IL1RAPL2: variants seen among roughly 807,000 people sequenced by gnomAD.
The protein encoded by IL1RAPL2 is X-linked interleukin-1 receptor accessory protein-like 2.
In IL1RAPL2, 3 loss-of-function variants were observed where a neutral mutation model predicts 44.1. That is an observed-to-expected ratio of 0.07 (90% CI 0.03 to 0.18). The LOEUF (loss-of-function observed/expected upper bound fraction) is 0.18, where lower values mean the gene tolerates loss of function less well. Ranked by LOEUF, IL1RAPL2 falls within the 10% of genes least tolerant of loss-of-function variation. IL1RAPL2 has a pLI of 1.00. For synonymous variants in IL1RAPL2, 181 were observed against 178.8 expected (o/e 1.01, Z -0.10); for missense variants, 391 against 496.4 (o/e 0.79, Z 2.02).
intron 4 of IL1RAPL2, among the ~76,000 whole-genome samples, chrX:105,247,239 G>T (rs890563317): frequency 1.8e-5 from 2 of 109,965 alleles, no homozygotes; most frequent in Non-Finnish European, 3.8e-5. Context: ...ACTCACAGAG[G>T]GTCACTTATC....
At chrX:104,989,717 C>A (rs755788692) in intron 2 of IL1RAPL2, among the ~76,000 whole-genome samples, 2 of 110,731 alleles carry the variant, frequency 1.8e-5, no homozygotes, top group South Asian at 3.8e-4. Flanking sequence ...TAGTTTTAAC[C>A]ATGTCTGTAA....
chrX:105,197,632 A>G (rs1232252713), intron 3 of IL1RAPL2, among the ~76,000 whole-genome samples: 1 of 111,878 alleles, frequency 8.9e-6, no homozygotes, highest in Non-Finnish European at 1.9e-5. Context: ...TTAATTATAC[A>G]AACATACTGA....
At chrX:104,673,890 C>T (rs577292620) in intron 2 of IL1RAPL2, among the ~76,000 whole-genome samples, 119 of 109,584 alleles carry the variant, frequency 1.1e-3, no homozygotes, top group Middle Eastern at 4.7e-3. Context: ...CATGATTTGG[C>T]TCTCTGTTTG....
intron 2 of IL1RAPL2, among the ~76,000 whole-genome samples, chrX:104,948,327 T>A (rs1462227972): frequency 9.2e-6 from 1 of 108,864 alleles, no homozygotes; most frequent in Non-Finnish European, 1.9e-5. Flanking sequence ...GCTGAGACAA[T>A]GGGGTTTTCT....
At chrX:104,742,218 T>A (rs1354733527) in intron 2 of IL1RAPL2, among the ~76,000 whole-genome samples, 1 of 111,817 alleles carries the variant, frequency 8.9e-6, no homozygotes, top group African/African-American at 3.2e-5. Flanking sequence ...CAACTACTTT[T>A]TCAAAAACAT....
intron 6 of IL1RAPL2, among the ~76,000 whole-genome samples, chrX:105,650,753 A>G (rs776069431): frequency 8.9e-6 from 1 of 111,960 alleles, no homozygotes; most frequent in African/African-American, 3.2e-5. Context: ...GCAGGTTCAG[A>G]GTTCAGGAAC....
rs751970265 is a variant in IL1RAPL2 at position 104,607,295 on chromosome X, A to T, written c.-20+40244A>T. Among the ~76,000 whole-genome samples, 7 of 112,270 alleles carry T rather than the reference A, an allele frequency of 6.2e-5. No homozygotes were observed. In the East Asian group the frequency reaches 1.1e-3, roughly 18 times the overall value. Reference sequence around the variant, plus strand: ...CAGGACCATAAAAATCCTCGAAGAAAACCTGGGCAGTACCATTCAGGACAT... The same window carrying T: ...CAGGACCATAAAAATCCTCGAAGAATACCTGGGCAGTACCATTCAGGACAT... On this transcript the variant is annotated intron_variant, in intron 1 of 10. Coordinates refer to ENST00000372582, the MANE Select transcript of IL1RAPL2 (RefSeq NM_017416.2).
rs182684920 is a variant in IL1RAPL2 at position 105,047,160 on chromosome X, G to A, written c.83-148315G>A. Among the ~76,000 whole-genome samples the A allele has an allele frequency of 9.9e-5, 11 of 110,911 alleles. No homozygotes were observed. The East Asian group carries it at 1.7e-3, about 17-fold the overall frequency. ...GTTGCATATACCCCTTACATAGAGA[G>A]TTCTTTTATTTTTGAATGTAGACTT... On this transcript the variant is annotated intron_variant, in intron 2 of 10. Transcript: ENST00000372582.
chrX:105,339,517 C>T (rs2035054587), intron 5 of IL1RAPL2, among the ~76,000 whole-genome samples: 1 of 111,411 alleles, frequency 9.0e-6, no homozygotes, highest in African/African-American at 3.3e-5. Flanking sequence ...AGGGGAGATA[C>T]ATTTTAAACT....
At chrX:105,430,179 T>C (rs1569439856) in intron 5 of IL1RAPL2, among the ~76,000 whole-genome samples, 2 of 111,776 alleles carry the variant, frequency 1.8e-5, no homozygotes, top group East Asian at 5.7e-4. Flanking sequence ...ATGACAATAA[T>C]ATGGGGCAGG....
intron 10 of IL1RAPL2, 113 bp from the exon 11 acceptor site, chrX:105,766,851 T>C: frequency 8.3e-6 from 4 of 482,292 alleles, no homozygotes; most frequent in Admixed American, 7.9e-5. Context: ...GAAAAGAAAA[T>C]GTGATGGACT....
In IL1RAPL2 at chrX:104,609,801, C is replaced by T. The variant is rs748631001; in HGVS notation, c.-20+42750C>T. Among the ~76,000 whole-genome samples the T allele has an allele frequency of 5.4e-5, 6 of 111,733 alleles. No homozygotes were observed. The South Asian group carries it at 1.9e-3, about 35-fold the overall frequency. The stretch of plus-strand genomic sequence containing the variant: ...CCTTGCCATGGGTTAGAACATGCTC[C>T]TTTAGCTTGGAGAAGTTTGTTATTA... On this transcript the variant is annotated intron_variant, in intron 1 of 10. Transcript: ENST00000372582.
At chrX:104,802,393 CA>C (rs1189314654) in intron 2 of IL1RAPL2, among the ~76,000 whole-genome samples, 1 of 106,868 alleles carries the variant, frequency 9.4e-6, no homozygotes, top group Admixed American at 1.0e-4. Flanking sequence ...GAAAGAAAAT[CA>C]GTCCACTTTC....
At chrX:104,590,866 C>G (rs1928651654) in intron 1 of IL1RAPL2, among the ~76,000 whole-genome samples, 1 of 111,908 alleles carries the variant, frequency 8.9e-6, no homozygotes, top group South Asian at 3.7e-4. Flanking sequence ...TGAGATGATT[C>G]GATTGTCTTA....
chrX:105,738,450 C>G (rs2038468434), intron 7 of IL1RAPL2, among the ~76,000 whole-genome samples: 1 of 111,131 alleles, frequency 9.0e-6, no homozygotes, highest in Admixed American at 9.6e-5. Flanking sequence ...CAATTTTATG[C>G]TGAGTGCCAG....
chrX:105,064,585 T>G (rs1424164732), intron 2 of IL1RAPL2, among the ~76,000 whole-genome samples: 3 of 112,589 alleles, frequency 2.7e-5, no homozygotes, highest in Non-Finnish European at 5.6e-5. Flanking sequence ...CTGGAAACCT[T>G]GTTAACAACA....
At chrX:105,066,096 C>T (rs1258456143) in intron 2 of IL1RAPL2, among the ~76,000 whole-genome samples, 1 of 111,122 alleles carries the variant, frequency 9.0e-6, no homozygotes, top group African/African-American at 3.3e-5. Flanking sequence ...CAGGCTGAAC[C>T]TCATTGGCTC....
At chrX:105,454,932 GCA>G (rs2036044986) in intron 5 of IL1RAPL2, among the ~76,000 whole-genome samples, 1 of 105,533 alleles carries the variant, frequency 9.5e-6, no homozygotes, top group African/African-American at 3.5e-5. Context: ...GACTACTGAA[GCA>G]CTAGCGGATA....
chrX:105,704,700 G>T (rs1377569824), intron 6 of IL1RAPL2, among the ~76,000 whole-genome samples: 3 of 110,834 alleles, frequency 2.7e-5, no homozygotes, highest in Admixed American at 9.7e-5. Flanking sequence ...TGCCATGGTG[G>T]TTTGCTGCAC....
Sources: allele counts gnomAD v4.1 joint callset (sites outside exome capture counted in the v4.1 genomes callset), GRCh38; gene constraint gnomAD v4.1.1; transcripts MANE v1.5; gene names NCBI Gene and HGNC (gene_info 2026-07-23, HGNC 2026-07-21).